The following CDON variants were observed in gnomAD, a reference collection of about 807,000 sequenced individuals.
CDON encodes cell adhesion molecule-related/down-regulated by oncogenes.
Under a neutral mutation model 120.9 loss-of-function variants are expected in CDON, and 73 were observed. That is an observed-to-expected ratio of 0.60 (90% CI 0.50 to 0.73). CDON has a LOEUF of 0.73. Ranked by LOEUF, CDON falls within the 30% of genes least tolerant of loss-of-function variation. The probability of loss-of-function intolerance (pLI) is 0.00; values close to 1 mark genes in which losing one functional copy is unlikely to be tolerated. For missense variants in CDON, 1,470 were observed against 1,587.3 expected (o/e 0.93, Z 1.26); for synonymous variants, 566 against 573.5 (o/e 0.99, Z 0.19).
intron 7 of CDON, 103 bp from the exon 8 acceptor site, chr11:126,010,797 AC>A: frequency 1.1e-6 from 1 of 882,932 alleles, no homozygotes; most frequent in Non-Finnish European, 1.8e-6. Flanking sequence ...AATGATTAAA[AC>A]CAAGATAGCT....
At position 125,960,672 on chromosome 11, in the gene CDON, A is replaced by AC; in HGVS notation, c.*269dup. The AC allele has an allele frequency of 2.2e-6, 1 of 451,544 alleles. No individual in the cohort carries two copies. Among genetic ancestry groups the AC allele is most frequent in the Non-Finnish European group, 4.0e-6 (1 of 247,430 alleles). The allele number at this position is 451,544 out of a possible 1,614,324, so 28.0% of individuals were successfully genotyped here. A position where few individuals can be genotyped will look rare whatever the true frequency, so the allele number is the denominator to read the frequency against. On this transcript the variant is annotated 3_prime_UTR_variant, in exon 20 of 20. Coordinates refer to ENST00000531738, the MANE Select transcript of CDON (RefSeq NM_001378964.1). ...TATAGCTGTTAGAAAACATGGAAGG[A>AC]CCCCTCTGCCCTCCAGGTGACTGAA...
intron 14 of CDON, 69 bp from the exon 15 acceptor site, chr11:125,989,828 T>A: frequency 1.4e-6 from 2 of 1,453,628 alleles, no homozygotes; most frequent in Non-Finnish European, 1.9e-6. Context: ...AATTAGTTAA[T>A]GTTTTCAGGA....
rs370358962 is a variant in CDON, at chr11:125,961,690, T to C, written c.3631+34A>G. On this transcript the variant is annotated intron_variant, in intron 19 of 19. Coordinates refer to ENST00000531738, the MANE Select transcript of CDON (RefSeq NM_001378964.1). ...ACAGCTCTTAGCTAACTGAAGATGATCTGGAATCCTAAGGTTGATCATGCC... is the reference window on the plus strand; with the variant it reads ...ACAGCTCTTAGCTAACTGAAGATGACCTGGAATCCTAAGGTTGATCATGCC... The C allele has an allele frequency of 4.3e-6, 7 of 1,613,818 alleles. No homozygotes were observed. The African/African-American group carries it at 9.3e-5, about 22-fold the overall frequency.
intron 18 of CDON, among the ~76,000 whole-genome samples, chr11:125,963,005 T>C (rs1945688474): frequency 6.6e-6 from 1 of 152,146 alleles, no homozygotes; most frequent in Admixed American, 6.5e-5. Flanking sequence ...TTCACATATA[T>C]AATAATTTTT....
chr11:125,995,371 T>C (rs73019398), intron 12 of CDON, among the ~76,000 whole-genome samples: 39,599 of 152,076 alleles, frequency 0.26, 5,271 homozygotes, highest in South Asian at 0.32. Context: ...ACATTTGCTC[T>C]TTTCACCATC....
At chr11:126,046,442 T>C (rs1415481441) in intron 1 of CDON, among the ~76,000 whole-genome samples, 1 of 152,126 alleles carries the variant, frequency 6.6e-6, no homozygotes, top group Non-Finnish European at 1.5e-5. Flanking sequence ...GTGACAAAAA[T>C]TCAGTAATTA....
chr11:126,041,977 C>G (rs1038373957), intron 1 of CDON, among the ~76,000 whole-genome samples: 2 of 152,134 alleles, frequency 1.3e-5, no homozygotes, highest in Non-Finnish European at 2.9e-5. Context: ...TTCTGCCTCC[C>G]AGGTTCAAGC....
rs76247998 is a variant in CDON, at chr11:126,006,007, C to G, written c.1603G>C (p.Ala535Pro). ...KAETVTLPDAAQNDDRSKRDG... is the reference protein window; with the variant it reads ...KAETVTLPDAPQNDDRSKRDG... ...CTCTTACTTCTGTCATCATTCTGAG[C>G]AGCATCAGGAAGTGTGACTGTCTCT... The change falls in exon 9 of 20, where the codon GCT becomes CCT. Residue 535 changes from alanine (A) to proline (P), a missense_variant. Coordinates refer to ENST00000531738, the MANE Select transcript of CDON (RefSeq NM_001378964.1). The G allele has an allele frequency of 6.2e-7, 1 of 1,614,068 alleles. No individual in the cohort carries two copies. Among genetic ancestry groups the G allele is most frequent in the South Asian group, 1.1e-5 (1 of 91,072 alleles).
chr11:126,056,046 A>T (rs991630408), intron 1 of CDON, among the ~76,000 whole-genome samples: 3 of 152,172 alleles, frequency 2.0e-5, no homozygotes, highest in African/African-American at 7.2e-5. Context: ...CATACCATAA[A>T]AGCCTATTTC....
At chr11:126,042,958 T>G (rs1037200676) in intron 1 of CDON, among the ~76,000 whole-genome samples, 1 of 152,032 alleles carries the variant, frequency 6.6e-6, no homozygotes, top group East Asian at 1.9e-4. Flanking sequence ...GAGAATAGGG[T>G]CTGGAGGCAG....
At chr11:125,970,434 A>G (rs1017363826) in intron 18 of CDON, among the ~76,000 whole-genome samples, 1 of 151,974 alleles carries the variant, frequency 6.6e-6, no homozygotes, top group Non-Finnish European at 1.5e-5. Flanking sequence ...CAGTCTCCCA[A>G]AGTGCTGGGA....
intron 18 of CDON, among the ~76,000 whole-genome samples, chr11:125,975,897 GTTTGT>G (rs1403950264): frequency 2.0e-5 from 3 of 152,140 alleles, no homozygotes; most frequent in Non-Finnish European, 4.4e-5. Context: ...CTCAGTAAAT[GTTTGT>G]TTTGTTTTGT....
chr11:126,029,027 A>G (rs1947877704), intron 1 of CDON, among the ~76,000 whole-genome samples: 1 of 152,054 alleles, frequency 6.6e-6, no homozygotes, highest in Non-Finnish European at 1.5e-5. Context: ...AGAGGCCCCC[A>G]ATAGCCAACC....
intron 18 of CDON, among the ~76,000 whole-genome samples, chr11:125,976,195 A>C (rs1194018514): frequency 6.6e-6 from 1 of 152,212 alleles, no homozygotes; most frequent in Non-Finnish European, 1.5e-5. Context: ...TTCCAAAGTG[A>C]AAAGACTTAA....
intron 8 of CDON, among the ~76,000 whole-genome samples, chr11:126,008,273 G>GTA (rs2134614549): frequency 6.6e-6 from 1 of 152,266 alleles, no homozygotes; most frequent in African/African-American, 2.4e-5. Flanking sequence ...TTACAGTACA[G>GTA]TAGTCAAATG....
chr11:125,972,275 A>C (rs549034041), intron 18 of CDON, among the ~76,000 whole-genome samples: 49 of 152,280 alleles, frequency 3.2e-4, no homozygotes, highest in Admixed American at 7.8e-4. Context: ...AAAATACAAA[A>C]AAATTAGCCA....
chr11:126,003,604 AG>A (rs939430310), intron 10 of CDON, among the ~76,000 whole-genome samples: 1 of 152,220 alleles, frequency 6.6e-6, no homozygotes, highest in Non-Finnish European at 1.5e-5. Context: ...GCGGATCACG[AG>A]GTCAGGAGAT....
At chr11:125,971,841 A>T (rs1295702249) in intron 18 of CDON, among the ~76,000 whole-genome samples, 1 of 152,236 alleles carries the variant, frequency 6.6e-6, no homozygotes, top group Non-Finnish European at 1.5e-5. Flanking sequence ...ATGCTAAAAA[A>T]GACCAGATTT....
chr11:126,012,450 G>A (rs1252376380), intron 7 of CDON, among the ~76,000 whole-genome samples: 1 of 151,814 alleles, frequency 6.6e-6, no homozygotes, highest in Admixed American at 6.6e-5. Context: ...CGCCCAGGCC[G>A]GAGTGCAGTA....
Sources: gnomAD v4.1 joint callset for allele counts (sites outside exome capture counted in the v4.1 genomes callset) on GRCh38, gnomAD v4.1.1 for gene constraint, MANE v1.5 for transcripts, NCBI Gene and HGNC (gene_info 2026-07-23, HGNC 2026-07-21) for gene names.